AP1B1: variants seen among roughly 807,000 people sequenced by gnomAD.
AP1B1 encodes the protein AP-1 complex subunit beta-1.
Under a neutral mutation model 104.3 loss-of-function variants are expected in AP1B1, and 36 were observed. That is an observed-to-expected ratio of 0.35 (90% confidence interval 0.26 to 0.46). The LOEUF is 0.46. AP1B1 is among the 20% of genes least tolerant of loss of function. The pLI, the probability that AP1B1 is intolerant of heterozygous loss-of-function variation, is 1.00. For missense variants in AP1B1, 901 were observed against 1,247.9 expected (o/e 0.72, Z 4.19); for synonymous variants, 504 against 517.5 (o/e 0.97, Z 0.35).
chr22:29,343,469 G>A lies in AP1B1; in HGVS notation c.1438-1086C>T, dbSNP rs888420252. Among the ~76,000 whole-genome samples the A allele has an allele frequency of 4.7e-4, 71 of 152,204 alleles. 2 individuals are homozygous for A. The highest frequency in any genetic ancestry group is 4.5e-3 in the Admixed American group (69 of 15,282). On this transcript the variant is annotated intron_variant, in intron 11 of 22. Transcript: ENST00000357586. ...CAGAGTCTGCAATTTGGTTACATGG[G>A]GGCCAGCAGCAGATGAGCAGTAGGC...
rs780434475 is a variant in AP1B1 at position 29,339,059 on chromosome 22, G to A, written c.2094C>T (p.Gly698=). Residue 698 remains glycine (G), a synonymous_variant, in exon 16 of 23, where the codon GGC becomes GGT. Coordinates refer to ENST00000357586, the MANE Select transcript of AP1B1 (RefSeq NM_001127.4). The part of the protein sequence containing the change: ...PANLGAPIGS[G]LSDLFDLTSG... ...TGGTCAGGTCAAAGAGGTCACTCAG[G>A]CCACTGCCGATGGGTGCTCCAAGAT... 6.2e-7 allele frequency: 1 copy of A among 1,614,240 alleles called. No homozygotes were observed. Among genetic ancestry groups the A allele is most frequent in the South Asian group, 1.1e-5 (1 of 91,084 alleles).
intron 7 of AP1B1, among the ~76,000 whole-genome samples, 153 bp downstream of exon 7, chr22:29,354,497 G>A (rs1011658816): frequency 6.6e-6 from 1 of 152,134 alleles, no homozygotes; most frequent in African/African-American, 2.4e-5. Flanking sequence ...TCCCTCAGGG[G>A]GGCAAAGCTG....
chr22:29,363,907 G>GAAAAGAAAAAAAAAGAAA, intron 2 of AP1B1, among the ~76,000 whole-genome samples: 1 of 151,850 alleles, frequency 6.6e-6, no homozygotes, highest in East Asian at 1.9e-4. Context: ...AAAAAAAAAA[G>GAAAAGAAAAAAAAAGAAA]TTTAGAGGCC....
intron 22 of AP1B1, chr22:29,329,320 C>T: frequency 8.6e-7 from 1 of 1,166,598 alleles, no homozygotes. Context: ...GGGCTCATTC[C>T]TGGTTTCCTG....
At chr22:29,352,070 G>A (rs376553708) in intron 7 of AP1B1, among the ~76,000 whole-genome samples, 1 of 152,218 alleles carries the variant, frequency 6.6e-6, no homozygotes, top group Non-Finnish European at 1.5e-5. Flanking sequence ...AGTGAGAGAC[G>A]GCTCACTCAC....
chr22:29,367,424 A>G (rs1468610230), intron 1 of AP1B1, 154 bp from the exon 2 acceptor site: 16 of 471,756 alleles, frequency 3.4e-5, no homozygotes, highest in Admixed American at 2.4e-4. Context: ...ATCATGGCAG[A>G]TTAGATTTTG....
At chr22:29,377,302 T>A (rs1440344525) in intron 1 of AP1B1, among the ~76,000 whole-genome samples, 1 of 148,750 alleles carries the variant, frequency 6.7e-6, no homozygotes, top group Non-Finnish European at 1.5e-5. Flanking sequence ...GACTAAAAGG[T>A]GAGTCAGCAG....
chr22:29,364,663 C>T (rs2062103703), intron 2 of AP1B1, among the ~76,000 whole-genome samples: 1 of 151,618 alleles, frequency 6.6e-6, no homozygotes, highest in African/African-American at 2.4e-5. Context: ...ATCCGCCCGC[C>T]TTGGTCTCCC....
intron 1 of AP1B1, among the ~76,000 whole-genome samples, chr22:29,368,389 C>T (rs1331603740): frequency 2.0e-5 from 3 of 152,150 alleles, no homozygotes; most frequent in Non-Finnish European, 2.9e-5. Flanking sequence ...TGAGCATCTC[C>T]TATGTACCTC....
At chr22:29,354,236 G>A (rs1443656936) in intron 7 of AP1B1, among the ~76,000 whole-genome samples, 1 of 152,242 alleles carries the variant, frequency 6.6e-6, no homozygotes, top group African/African-American at 2.4e-5. Flanking sequence ...TTTCAGGACA[G>A]CTCGTGGACT....
chr22:29,328,880 G>A lies in AP1B1; in HGVS notation c.2791C>T (p.Arg931Ter). The change falls in exon 23 of 23, where the codon CGA (arginine) becomes TGA (stop). Residue 931 changes from arginine to a stop codon, truncating the protein, a stop_gained. Coordinates refer to ENST00000357586, the MANE Select transcript of AP1B1 (RefSeq NM_001127.4). LOFTEE classifies it high-confidence loss of function. This position sits in a 1 kb window ranked among gnomAD's most constrained non-coding sequence, Gnocchi z 4.1. Reference sequence around the variant, plus strand: ...ACGTGCTGGGACACCTCTGGTGCTCGACACTTCAGGGACAGCTGCAGGGGA... The same window carrying A: ...ACGTGCTGGGACACCTCTGGTGCTCAACACTTCAGGGACAGCTGCAGGGGA... ...CTDLELSLKC[R>*]APEVSQHVYQ... 3.7e-6 allele frequency: 6 copies of A among 1,609,164 alleles called. No individual in the cohort carries two copies. The highest frequency in any genetic ancestry group is 5.1e-6 in the Non-Finnish European group (6 of 1,179,034).
chr22:29,334,191 C>A, intron 17 of AP1B1, 74 bp downstream of exon 17: 1 of 1,471,428 alleles, frequency 6.8e-7, no homozygotes, highest in East Asian at 2.4e-5. Flanking sequence ...GCCTGCAGTC[C>A]CCAGAACAGA....
At chr22:29,341,862 A>G (rs898838684) in intron 12 of AP1B1, 102 bp from the exon 13 acceptor site, 9 of 1,373,430 alleles carry the variant, frequency 6.6e-6, no homozygotes, top group African/African-American at 4.3e-5. Context: ...GGGGTGGCCA[A>G]TGGGGACAGC....
At chr22:29,334,147 G>A (rs2061602857) in intron 17 of AP1B1, 118 bp downstream of exon 17, 1 of 1,106,118 alleles carries the variant, frequency 9.0e-7, no homozygotes, top group Non-Finnish European at 1.3e-6. Flanking sequence ...TTCAGAAAAG[G>A]GGCACTGCCC....
chr22:29,328,518 C>A lies in AP1B1; in HGVS notation c.*303G>T, dbSNP rs1315120675. 2 of 345,576 alleles carry A rather than the reference C, an allele frequency of 5.8e-6. No homozygotes were observed. Among genetic ancestry groups the A allele is most frequent in the African/African-American group, 2.1e-5 (1 of 47,266 alleles). The allele number at this position is 345,576 out of a possible 1,614,324, so 21.4% of individuals were successfully genotyped here. ...CCGGAGGGGCAAGCTCCACACTCAC[C>A]CTTCAGGCACAGCTTCTGTGGCTGC... On this transcript the variant is annotated 3_prime_UTR_variant, in exon 23 of 23. Transcript: ENST00000357586. The surrounding 1 kb of genome is among the most constrained non-coding windows in gnomAD (Gnocchi z 4.1).
intron 2 of AP1B1, among the ~76,000 whole-genome samples, chr22:29,363,374 G>A (rs2062080743): frequency 6.6e-6 from 1 of 152,238 alleles, no homozygotes. Context: ...GGATTGGCCA[G>A]CACAGTGGCT....
At chr22:29,339,525 G>A (rs894123751) in intron 15 of AP1B1, among the ~76,000 whole-genome samples, 16 of 152,020 alleles carry the variant, frequency 1.1e-4, no homozygotes, top group African/African-American at 3.6e-4. Context: ...ATGACAAGGC[G>A]ACGTGTCATG....
At chr22:29,338,926 A>C in intron 16 of AP1B1, 64 bp downstream of exon 16, 1 of 1,597,742 alleles carries the variant, frequency 6.3e-7, no homozygotes, top group South Asian at 1.1e-5. Context: ...CATTTAAAGG[A>C]GCCCACATGC....
chr22:29,328,763 C>T lies in AP1B1; in HGVS notation c.*58G>A. 2 of 1,564,050 alleles carry T rather than the reference C, an allele frequency of 1.3e-6. No individual in the cohort carries two copies. Among genetic ancestry groups the T allele is most frequent in the South Asian group, 1.2e-5 (1 of 85,382 alleles). ...CCTGCGAGGAGGAAGATGTGCTGCC[C>T]CCGAGGGGCCTCCTCGATGGGGCGG... On this transcript the variant is annotated 3_prime_UTR_variant, in exon 23 of 23. Transcript: ENST00000357586. The surrounding 1 kb of genome is among the most constrained non-coding windows in gnomAD (Gnocchi z 4.1).
Sources: allele counts gnomAD v4.1 joint callset (sites outside exome capture counted in the v4.1 genomes callset), GRCh38; gene constraint gnomAD v4.1.1; non-coding constraint Gnocchi (gnomAD v3.1); transcripts MANE v1.5; gene names NCBI Gene and HGNC (gene_info 2026-07-23, HGNC 2026-07-21).